PLK3: variants seen among roughly 807,000 people sequenced by gnomAD.
PLK3 encodes serine/threonine-protein kinase PLK3.
A neutral mutation model predicts 71.6 loss-of-function variants in PLK3; 41 were observed. The ratio of observed to expected loss-of-function variants is 0.57; its 90% CI spans 0.45 to 0.74. PLK3 has a LOEUF of 0.74. PLK3 is among the 30% of genes least tolerant of loss of function. PLK3 has a pLI of 0.00. For missense variants in PLK3, 791 were observed against 875.6 expected (o/e 0.90, Z 1.22); for synonymous variants, 366 against 355.4 (o/e 1.03, Z -0.33).
chr1:44,802,973 G>T lies in PLK3; in HGVS notation c.768G>T (p.Gly256=), dbSNP rs1651879737. Reference sequence around the variant, plus strand: ...CCTATAGGTACACGCTGCTCTGCGGGAGCCCTCCCTTTGAGACGGCTGACC... The same window carrying T: ...CCTATAGGTACACGCTGCTCTGCGGTAGCCCTCCCTTTGAGACGGCTGACC... ...LGCVMYTLLC[G]SPPFETADLK... is the part of the protein sequence containing the mutation. The change falls in exon 7 of 15, where the codon GGG becomes GGT. Residue 256 remains glycine (G), a synonymous_variant. Coordinates refer to ENST00000372201, the MANE Select transcript of PLK3 (RefSeq NM_004073.4). The T allele has an allele frequency of 1.2e-6, 2 of 1,613,846 alleles. No homozygotes were observed. Among genetic ancestry groups the T allele is most frequent in the African/African-American group, 2.7e-5 (2 of 74,876 alleles).
chr1:44,804,428 T>A lies in PLK3; in HGVS notation c.1432T>A (p.Tyr478Asn). 6.2e-7 allele frequency: 1 copy of A among 1,614,132 alleles called. No homozygotes were observed. The highest frequency in any genetic ancestry group is 8.5e-7 in the Non-Finnish European group (1 of 1,180,006). ...VDYSNKFGFG[Y>N]QLSSRRVAVL... Reference sequence around the variant, plus strand: ...CTACTCCAATAAGTTCGGCTTTGGGTATCAACTGTCCAGCCGCCGTGTGGC... The same window carrying A: ...CTACTCCAATAAGTTCGGCTTTGGGAATCAACTGTCCAGCCGCCGTGTGGC... Residue 478 changes from tyrosine to asparagine, a missense_variant, in exon 12 of 15, where the codon TAT becomes AAT. Coordinates refer to ENST00000372201, the MANE Select transcript of PLK3 (RefSeq NM_004073.4).
chr1:44,805,786 C>A lies in PLK3; in HGVS notation c.*108C>A. 7.4e-7 allele frequency: 1 copy of A among 1,350,530 alleles called. No individual in the cohort carries two copies. The highest frequency in any genetic ancestry group is 1.0e-6 in the Non-Finnish European group (1 of 1,001,074). The allele number at this position is 1,350,530 out of a possible 1,614,324, so 83.7% of individuals were successfully genotyped here. A position where few individuals can be genotyped will look rare whatever the true frequency, so the allele number is the denominator to read the frequency against. On this transcript the variant is annotated 3_prime_UTR_variant, in exon 15 of 15. Coordinates refer to ENST00000372201, the MANE Select transcript of PLK3 (RefSeq NM_004073.4). ...CACTGGGGGCTTTGGGCCGAATCCCCCAGGGAATCAGGGACCAGCTTTACT... is the reference window on the plus strand; with the variant it reads ...CACTGGGGGCTTTGGGCCGAATCCCACAGGGAATCAGGGACCAGCTTTACT...
In PLK3 at chr1:44,803,755, G is replaced by T; in HGVS notation, c.1164+64G>T. On this transcript the variant is annotated intron_variant, in intron 9 of 14. Coordinates refer to ENST00000372201, the MANE Select transcript of PLK3 (RefSeq NM_004073.4). This position sits in a 1 kb window ranked among gnomAD's most constrained non-coding sequence, Gnocchi z 4.3. ...CCCACCCTAGCAGCTGAGGGAAGCC[G>T]GGGATAAAAGAGGCTGCTGAAGCAT... 7.5e-7 allele frequency: 1 copy of T among 1,329,748 alleles called. No individual in the cohort carries two copies. The allele number at this position is 1,329,748 out of a possible 1,614,324, so 82.4% of individuals were successfully genotyped here.
At chr1:44,802,429 G>A (rs559839127) in intron 5 of PLK3, among the ~76,000 whole-genome samples, 31 of 152,238 alleles carry the variant, frequency 2.0e-4, no homozygotes, top group South Asian at 1.2e-3. Context: ...GGCACAAACC[G>A]TGGGAGGTGA....
chr1:44,805,839 G>T lies in PLK3; in HGVS notation c.*161G>T, dbSNP rs1365575670. The T allele has an allele frequency of 2.2e-6, 3 of 1,340,360 alleles. No homozygotes were observed. Among genetic ancestry groups the T allele is most frequent in the Admixed American group, 2.8e-5 (1 of 35,212 alleles). The allele number at this position is 1,340,360 out of a possible 1,614,324, so 83.0% of individuals were successfully genotyped here. A position where few individuals can be genotyped will look rare whatever the true frequency, so the allele number is the denominator to read the frequency against. ...AGTTGGGGGCGGCTTGTCTTCGCTG[G>T]CTCCTACCCCATCTCCAAGATAAGC... On this transcript the variant is annotated 3_prime_UTR_variant, in exon 15 of 15. Coordinates refer to ENST00000372201, the MANE Select transcript of PLK3 (RefSeq NM_004073.4).
In PLK3 at chr1:44,802,960, CGCTGCTCTGCGGGA is replaced by C. The variant is rs1651879296; in HGVS notation, c.758_771del (p.Leu253ProfsTer4). On this transcript the variant is annotated frameshift_variant, in exon 7 of 15. Coordinates refer to ENST00000372201, the MANE Select transcript of PLK3 (RefSeq NM_004073.4). LOFTEE classifies it high-confidence loss of function. ...CCCTTGGCCCTGCCCTATAGGTACA[CGCTGCTCTGCGGGA>C]GCCCTCCCTTTGAGACGGCTGACCT... 6.2e-7 allele frequency: 1 copy of C among 1,613,868 alleles called. No individual in the cohort carries two copies.
intron 5 of PLK3, among the ~76,000 whole-genome samples, chr1:44,802,537 G>C (rs1490964046): frequency 6.6e-6 from 1 of 152,050 alleles, no homozygotes; most frequent in Non-Finnish European, 1.5e-5. Context: ...CTGGGCTGGG[G>C]GTCAGGCCCT....
In PLK3 at chr1:44,803,133, C is replaced by G; in HGVS notation, c.928C>G (p.Arg310Gly). The G allele has an allele frequency of 6.2e-7, 1 of 1,613,888 alleles. No homozygotes were observed. Residue 310 changes from arginine (R) to glycine (G), a missense_variant, in exon 7 of 15, where the codon CGC becomes GGC. Arg to Gly is a moderately radical substitution (Grantham distance 125, BLOSUM62 -2). Coordinates refer to ENST00000372201, the MANE Select transcript of PLK3 (RefSeq NM_004073.4). The surrounding 1 kb of genome is among the most constrained non-coding windows in gnomAD (Gnocchi z 4.3). ...RDRPSIDQILRHDFFTKGYTP... is the reference protein window; with the variant it reads ...RDRPSIDQILGHDFFTKGYTP... Reference sequence around the variant, plus strand: ...CCGCCCCTCTATTGACCAGATCCTGCGCCATGACTTCTTTACCAAGGTCTG... The same window carrying G: ...CCGCCCCTCTATTGACCAGATCCTGGGCCATGACTTCTTTACCAAGGTCTG...
At position 44,802,756 on chromosome 1, in the gene PLK3, T is replaced by C; in HGVS notation, c.654-4T>C. 6.2e-7 allele frequency: 1 copy of C among 1,610,400 alleles called. No homozygotes were observed. The highest frequency in any genetic ancestry group is 8.5e-7 in the Non-Finnish European group (1 of 1,177,584). On this transcript the variant is annotated splice_region_variant and splice_polypyrimidine_tract_variant and intron_variant, in intron 5 of 14. Transcript: ENST00000372201. ...CTTCTCTCCTCCTCCCCACCCTCTT[T>C]CAGGACCATCTGTGGCACCCCCAAC...
chr1:44,800,619 C>A lies in PLK3; in HGVS notation c.156C>A (p.Leu52=), dbSNP rs1333234012. The change falls in exon 1 of 15, where the codon CTC becomes CTA. Residue 52 remains leucine (L), a synonymous_variant. Coordinates refer to ENST00000372201, the MANE Select transcript of PLK3 (RefSeq NM_004073.4). The surrounding 1 kb of genome is among the most constrained non-coding windows in gnomAD (Gnocchi z 6.5). ...TACCGACGTCAGACCCCGGGCGCCT[C>A]ATCACGGACCCGCGCAGCGGCCGCA... ...AGLPTSDPGR[L]ITDPRSGRTY... 14 of 1,541,456 alleles carry A rather than the reference C, an allele frequency of 9.1e-6. No homozygotes were observed. Among genetic ancestry groups the A allele is most frequent in the Non-Finnish European group, 1.2e-5 (14 of 1,146,962 alleles).
Position 44,805,858 on chromosome 1 carries a change from G to A in PLK3, c.*180G>A, listed in dbSNP as rs1652021290. On this transcript the variant is annotated 3_prime_UTR_variant, in exon 15 of 15. Transcript: ENST00000372201. ...TCGCTGGCTCCTACCCCATCTCCAA[G>A]ATAAGCCTGAGCCTTAGCTCCCAGC... 1.4e-6 allele frequency: 2 copies of A among 1,391,596 alleles called. No individual in the cohort carries two copies. The highest frequency in any genetic ancestry group is 5.7e-5 in the Admixed American group (2 of 35,126). 86.2% of individuals were successfully genotyped at this position (1,391,596 alleles called of 1,614,324 possible).
At chr1:44,805,118 T>A (rs200571145) in intron 13 of PLK3, 148 bp from the exon 14 acceptor site, 2 of 602,640 alleles carry the variant, frequency 3.3e-6, no homozygotes, top group East Asian at 2.8e-5. Context: ...AAAAAAAAAA[T>A]AAAGAAAAGA....
Position 44,800,940 on chromosome 1 carries a change from G to T in PLK3, c.311G>T (p.Arg104Leu). The change falls in exon 2 of 15, where the codon CGC becomes CTC. Residue 104 changes from arginine (R) to leucine (L), a missense_variant. Transcript: ENST00000372201. The surrounding 1 kb of genome is among the most constrained non-coding windows in gnomAD (Gnocchi z 6.5). ...AGCCGCGTCGCCAAGCCGCATCAGC[G>T]CGAGAAGGTGGGTCCAGGCTCAGCG... Reference protein sequence around the residue: ...PQSRVAKPHQREKILNEIELH... With the variant: ...PQSRVAKPHQLEKILNEIELH... 1 of 1,613,080 alleles carries T rather than the reference G, an allele frequency of 6.2e-7. No individual in the cohort carries two copies.
intron 13 of PLK3, 199 bp from the exon 14 acceptor site, chr1:44,805,067 T>C (rs1466644842): frequency 1.7e-5 from 10 of 586,808 alleles, no homozygotes; most frequent in East Asian, 5.7e-5. Flanking sequence ...TGGCGCACCA[T>C]TGCACTCCAG....
At position 44,804,482 on chromosome 1, in the gene PLK3, G is replaced by A. The variant is rs1651942635; in HGVS notation, c.1486G>A (p.Ala496Thr). Reference sequence around the variant, plus strand: ...GCTCTTCAACGATGGCACACATATGGCCCTGTCGGCCAACAGAAAGTAAGT... The same window carrying A: ...GCTCTTCAACGATGGCACACATATGACCCTGTCGGCCAACAGAAAGTAAGT... ...AVLFNDGTHMALSANRKTVHY... is the reference protein window; with the variant it reads ...AVLFNDGTHMTLSANRKTVHY... The change falls in exon 12 of 15, where the codon GCC (alanine) becomes ACC (threonine). Residue 496 changes from alanine to threonine, a missense_variant. Ala to Thr is a moderately conservative substitution (Grantham distance 58). Coordinates refer to ENST00000372201, the MANE Select transcript of PLK3 (RefSeq NM_004073.4). The A allele has an allele frequency of 1.9e-6, 3 of 1,614,040 alleles. No homozygotes were observed. The highest frequency in any genetic ancestry group is 2.5e-6 in the Non-Finnish European group (3 of 1,180,020).
Position 44,804,221 on chromosome 1 carries a change from A to C in PLK3, c.1317A>C (p.Arg439Ser). Reference protein sequence around the residue: ...TVVESALCALRNCIAFMPPAE... With the variant: ...TVVESALCALSNCIAFMPPAE... ...TGGAGTCAGCCCTTTGTGCTCTGAG[A>C]AATTGTATAGCCTTCATGCCCCCAG... The change falls in exon 11 of 15, where the codon AGA becomes AGC. Residue 439 changes from arginine (R) to serine (S), a missense_variant. Arg to Ser is a moderately radical substitution (Grantham distance 110). Coordinates refer to ENST00000372201, the MANE Select transcript of PLK3 (RefSeq NM_004073.4). 2 of 1,613,974 alleles carry C rather than the reference A, an allele frequency of 1.2e-6. No individual in the cohort carries two copies. The highest frequency in any genetic ancestry group is 8.5e-7 in the Non-Finnish European group (1 of 1,179,896).
intron 11 of PLK3, 42 bp from the exon 12 acceptor site, chr1:44,804,297 G>A: frequency 6.2e-7 from 1 of 1,613,750 alleles, no homozygotes. Context: ...CTGTGGCTGG[G>A]AGGCCAGGAG....
At chr1:44,804,579 CAG>C (rs1651946434) in intron 12 of PLK3, 69 bp from the exon 13 acceptor site, 1 of 1,604,082 alleles carries the variant, frequency 6.2e-7, no homozygotes, top group East Asian at 2.2e-5. Flanking sequence ...CTCCTGGGCT[CAG>C]GGGTCTGGGT....
At position 44,803,824 on chromosome 1, in the gene PLK3, C is replaced by T. The variant is rs1052440147; in HGVS notation, c.1165-107C>T. On this transcript the variant is annotated intron_variant, in intron 9 of 14. Coordinates refer to ENST00000372201, the MANE Select transcript of PLK3 (RefSeq NM_004073.4). The surrounding 1 kb of genome is among the most constrained non-coding windows in gnomAD (Gnocchi z 4.3). ...AATTGGCTGTGTGTCACCAGCCTGGCGGGGCTGACCTGGGGTGCCCTGGGA... is the reference window on the plus strand; with the variant it reads ...AATTGGCTGTGTGTCACCAGCCTGGTGGGGCTGACCTGGGGTGCCCTGGGA... 2.3e-5 allele frequency: 26 copies of T among 1,121,590 alleles called. No individual in the cohort carries two copies. Among genetic ancestry groups the T allele is most frequent in the Middle Eastern group, 5.3e-4 (2 of 3,770 alleles). 69.5% of individuals were successfully genotyped at this position (1,121,590 alleles called of 1,614,324 possible). A position where few individuals can be genotyped will look rare whatever the true frequency, so the allele number is the denominator to read the frequency against.
Sources: gnomAD v4.1 joint callset for allele counts (sites outside exome capture counted in the v4.1 genomes callset) on GRCh38, gnomAD v4.1.1 for gene constraint, Gnocchi (gnomAD v3.1) non-coding constraint, MANE v1.5 for transcripts, NCBI Gene and HGNC (gene_info 2026-07-23, HGNC 2026-07-21) for gene names.